Variants in DNAH9 observed in about 807,000 individuals in gnomAD.
The protein encoded by DNAH9 is DNAH9 variant protein.
In DNAH9, 345 loss-of-function variants were observed where a neutral mutation model predicts 471.6. That is an observed-to-expected ratio of 0.73 (90% CI 0.67 to 0.80). The LOEUF (loss-of-function observed/expected upper bound fraction) is 0.80. Among genes scored for constraint, DNAH9 ranks in the 30% least tolerant of loss-of-function variants. DNAH9 has a pLI of 0.00. For synonymous variants in DNAH9, 2,093 were observed against 2,123.6 expected, an observed-to-expected ratio of 0.99 and a Z score of 0.40; for missense variants, 5,407 against 5,609.2, an observed-to-expected ratio of 0.96 and a Z score of 1.15.
At chr17:11,762,415 AG>A (rs1393224316) in intron 35 of DNAH9, among the ~76,000 whole-genome samples, 1 of 152,086 alleles carries the variant, frequency 6.6e-6, no homozygotes, top group Non-Finnish European at 1.5e-5. Context: ...TGGGAAGAAA[AG>A]TATGTGTGTG....
Position 11,623,615 on chromosome 17 carries a change from C to A in DNAH9, c.1350+3834C>A, listed in dbSNP as rs1028714944. Among the ~76,000 whole-genome samples the A allele has an allele frequency of 6.6e-6, 1 of 152,092 alleles. No homozygotes were observed. Among genetic ancestry groups the A allele is most frequent in the Non-Finnish European group, 1.5e-5 (1 of 68,026 alleles). On this transcript the variant is annotated intron_variant, in intron 6 of 68. Transcript: ENST00000262442. This position sits in a 1 kb window ranked among gnomAD's most constrained non-coding sequence, Gnocchi z 4.1. ...GTCCTCTGGCATATTTCATGTAGGC[C>A]TTTAGTTAATATTCTGTGTATCTCT...
chr17:11,670,852 T>C (rs1049288416), intron 17 of DNAH9, among the ~76,000 whole-genome samples: 1 of 152,130 alleles, frequency 6.6e-6, no homozygotes, highest in Non-Finnish European at 1.5e-5. Flanking sequence ...TACAGGCATG[T>C]GCCACCACGC....
chr17:11,757,454 C>A (rs1365663098), intron 34 of DNAH9, 91 bp from the exon 35 acceptor site: 4 of 1,218,316 alleles, frequency 3.3e-6, no homozygotes, highest in East Asian at 2.4e-5. Context: ...GTCTTCTGTA[C>A]ATTTTCCAAA....
Position 11,598,693 on chromosome 17 carries a change from C to G in DNAH9, c.195C>G (p.Ala65=), listed in dbSNP as rs112794384. The G allele has an allele frequency of 7.3e-7, 1 of 1,371,522 alleles. No homozygotes were observed. The highest frequency in any genetic ancestry group is 1.5e-5 in the African/African-American group (1 of 65,062). 85.0% of individuals were successfully genotyped at this position (1,371,522 alleles called of 1,614,324 possible). Residue 65 remains alanine, a synonymous_variant, in exon 1 of 69, where the codon GCC becomes GCG. Transcript: ENST00000262442. The part of the protein sequence containing the change: ...LLQAFLGRDA[A]EGPRPLLVVR... Reference sequence around the variant, plus strand: ...AGGCCTTCCTGGGCCGCGATGCTGCCGAGGGGCCGCGGCCGCTGCTGGTGG... The same window carrying G: ...AGGCCTTCCTGGGCCGCGATGCTGCGGAGGGGCCGCGGCCGCTGCTGGTGG...
chr17:11,819,094 C>T (rs61675389), intron 45 of DNAH9, among the ~76,000 whole-genome samples: 7,506 of 151,990 alleles, frequency 0.049, 627 homozygotes, highest in African/African-American at 0.17. Flanking sequence ...CCATCCTGAA[C>T]GTTTTTTAAT....
At chr17:11,712,200 T>G (rs961289381) in intron 26 of DNAH9, among the ~76,000 whole-genome samples, 55 of 143,938 alleles carry the variant, frequency 3.8e-4, no homozygotes, top group Non-Finnish European at 6.6e-4. Flanking sequence ...AAATTTAAAT[T>G]TATATAATTT....
In DNAH9 at chr17:11,752,960, G is replaced by A; in HGVS notation, c.6738G>A (p.Lys2246=). 1 of 1,580,154 alleles carries A rather than the reference G, an allele frequency of 6.3e-7. No homozygotes were observed. The highest frequency in any genetic ancestry group is 8.6e-7 in the Non-Finnish European group (1 of 1,163,880). ...ESLNTVMDDN[K]VLTLASNERI... is the part of the protein sequence containing the mutation. Reference sequence around the variant, plus strand: ...TGAATACTGTCATGGATGATAACAAGGTATGAAATTGGGGGATATCCCTAG... The same window carrying A: ...TGAATACTGTCATGGATGATAACAAAGTATGAAATTGGGGGATATCCCTAG... Residue 2246 remains lysine, a splice_region_variant and synonymous_variant, in exon 33 of 69, where the codon AAG becomes AAA. Transcript: ENST00000262442.
rs192764401 is a variant in DNAH9 at position 11,796,048 on chromosome 17, A to G, written c.8224-1549A>G. ...ATCACTATTAAGGAATCTTTGATTC[A>G]CTGAGTTGGTTGATTTTCTCTCTGC... is the stretch of plus-strand genomic sequence containing the variant. On this transcript the variant is annotated intron_variant, in intron 42 of 68. Transcript: ENST00000262442. 8.3e-3 allele frequency among the ~76,000 whole-genome samples: 1,265 copies of G among 152,330 alleles called. 18 individuals carry two copies. The highest frequency in any genetic ancestry group is 0.029 in the African/African-American group (1,218 of 41,572).
At chr17:11,813,363 T>C (rs1243455497) in intron 45 of DNAH9, among the ~76,000 whole-genome samples, 1 of 152,136 alleles carries the variant, frequency 6.6e-6, no homozygotes. Context: ...TTAGAGTATA[T>C]CTTGGTTCTA....
At chr17:11,925,104 C>T (rs989605107) in intron 62 of DNAH9, 3 of 436,838 alleles carry the variant, frequency 6.9e-6, no homozygotes, top group Non-Finnish European at 1.4e-5. Context: ...ATTAGAGCTC[C>T]ATTGCTACGT....
At chr17:11,789,745 G>T (rs1258024766) in intron 41 of DNAH9, among the ~76,000 whole-genome samples, 2 of 151,730 alleles carry the variant, frequency 1.3e-5, no homozygotes, top group East Asian at 3.9e-4. Flanking sequence ...GGGTTAGTTT[G>T]TTCTATTTCT....
intron 49 of DNAH9, among the ~76,000 whole-genome samples, chr17:11,849,428 C>T (rs910288346): frequency 1.3e-5 from 2 of 152,208 alleles, no homozygotes; most frequent in Non-Finnish European, 2.9e-5. Flanking sequence ...CCATACTCCT[C>T]ATACTTCTTC....
Position 11,763,474 on chromosome 17 carries a change from A to T in DNAH9, c.7030A>T (p.Met2344Leu), listed in dbSNP as rs547144057. Residue 2344 changes from methionine (M) to leucine (L), a missense_variant, in exon 36 of 69, where the codon ATG becomes TTG. This residue lies in a region of DNAH9 where 4,636 missense variants were observed against 4,900.3 expected (regional missense o/e 0.95). Transcript: ENST00000262442. ...KKIIPIPEQS[M>L]VQMVCHLLEC... ...GATCATTCCCATCCCAGAGCAGAGC[A>T]TGGTTCAGATGGTGTGTCACCTTCT... 6.2e-7 allele frequency: 1 copy of T among 1,614,032 alleles called. No homozygotes were observed. The highest frequency in any genetic ancestry group is 8.5e-7 in the Non-Finnish European group (1 of 1,180,024).
At chr17:11,599,050 G>A (rs2072328865) in intron 1 of DNAH9, 135 bp downstream of exon 1, 2 of 727,964 alleles carry the variant, frequency 2.7e-6, no homozygotes, top group African/African-American at 1.9e-5. Flanking sequence ...GTGATAGGCA[G>A]AGGGGCGAGG....
At chr17:11,715,312 A>T (rs1266105796) in intron 26 of DNAH9, among the ~76,000 whole-genome samples, 1 of 152,136 alleles carries the variant, frequency 6.6e-6, no homozygotes, top group Non-Finnish European at 1.5e-5. Flanking sequence ...TCCTCATAAG[A>T]CCCTGGTGGG....
intron 24 of DNAH9, among the ~76,000 whole-genome samples, chr17:11,702,749 G>A (rs2074623205): frequency 6.6e-6 from 1 of 152,136 alleles, no homozygotes; most frequent in South Asian, 2.1e-4. Context: ...TCAGGGGAGT[G>A]GTAGGGAAGG....
intron 45 of DNAH9, among the ~76,000 whole-genome samples, chr17:11,821,186 T>A (rs1970295931): frequency 6.6e-6 from 1 of 150,806 alleles, no homozygotes; most frequent in Non-Finnish European, 1.5e-5. Flanking sequence ...CTCAGGAGGC[T>A]GAGGCAGGAG....
intron 62 of DNAH9, among the ~76,000 whole-genome samples, chr17:11,926,062 A>AAAAAAAAGG (rs869096043): frequency 7.8e-6 from 1 of 127,526 alleles, no homozygotes; most frequent in African/African-American, 2.8e-5. Context: ...AAAAAAAAAA[A>AAAAAAAAGG]GCTGGGGGGG....
intron 7 of DNAH9, chr17:11,630,579 G>A (rs2073047978): frequency 6.6e-6 from 1 of 152,202 alleles, no homozygotes; most frequent in Non-Finnish European, 1.5e-5. Context: ...GAGAGCATTA[G>A]GACAAATACC....
Sources: gnomAD v4.1 joint callset for allele counts (sites outside exome capture counted in the v4.1 genomes callset) on GRCh38, gnomAD v4.1.1 for gene constraint, gnomAD v4.1.1 regional missense constraint, Gnocchi (gnomAD v3.1) non-coding constraint, MANE v1.5 for transcripts, NCBI Gene and HGNC (gene_info 2026-07-23, HGNC 2026-07-21) for gene names.